The following DNAJC13 variants were observed in gnomAD, a reference collection of about 807,000 sequenced individuals.
DNAJC13 encodes DnaJ heat shock protein family (Hsp40) member C13.
A neutral mutation model predicts 290.5 loss-of-function variants in DNAJC13; 75 were observed. The ratio of observed to expected loss-of-function variants is 0.26; its 90% CI spans 0.21 to 0.31. The LOEUF (loss-of-function observed/expected upper bound fraction) is 0.31. Among genes scored for constraint, DNAJC13 ranks in the 10% least tolerant of loss-of-function variants. The probability of loss-of-function intolerance (pLI) is 1.00; values close to 1 mark genes in which losing one functional copy is unlikely to be tolerated. For missense variants in DNAJC13, 2,260 were observed against 2,674.5 expected, an observed-to-expected ratio of 0.85 and a Z score of 3.42; for synonymous variants, 862 against 892.0, an observed-to-expected ratio of 0.97 and a Z score of 0.60.
intron 55 of DNAJC13, among the ~76,000 whole-genome samples, chr3:132,534,979 A>G (rs940366258): frequency 6.6e-6 from 1 of 152,204 alleles, no homozygotes; most frequent in African/African-American, 2.4e-5. Context: ...GTTGAATTGG[A>G]ATTTCATTTA....
intron 20 of DNAJC13, among the ~76,000 whole-genome samples, chr3:132,467,532 C>G (rs535794851): frequency 8.5e-5 from 13 of 152,280 alleles, no homozygotes; most frequent in South Asian, 8.3e-4. Flanking sequence ...GTGGAGCGAT[C>G]TCGTCTCACT....
At chr3:132,488,217 C>T (rs1934945967) in intron 29 of DNAJC13, 81 bp from the exon 30 acceptor site, 1 of 1,303,118 alleles carries the variant, frequency 7.7e-7, no homozygotes, top group South Asian at 1.7e-5. Context: ...GGAGCTATAA[C>T]CTCAGCATAT....
At chr3:132,433,076 T>C (rs1347684334) in intron 1 of DNAJC13, among the ~76,000 whole-genome samples, 2 of 152,212 alleles carry the variant, frequency 1.3e-5, no homozygotes, top group Non-Finnish European at 2.9e-5. Flanking sequence ...GCAAACAGGT[T>C]AAGCAGTACA....
chr3:132,472,349 A>C (rs1340829368), intron 20 of DNAJC13, among the ~76,000 whole-genome samples: 1 of 152,208 alleles, frequency 6.6e-6, no homozygotes, highest in East Asian at 1.9e-4. Context: ...CCTATCTCTG[A>C]AACAGGGGCC....
In DNAJC13 at chr3:132,503,308, C is replaced by A. The variant is rs1052094098; in HGVS notation, c.4811C>A (p.Thr1604Asn). The change falls in exon 41 of 56, where the codon ACC (threonine) becomes AAC (asparagine). Residue 1604 changes from threonine to asparagine, a missense_variant. This residue lies in a region of DNAJC13 where 1,494 missense variants were observed against 1,693.7 expected (regional missense o/e 0.88). Coordinates refer to ENST00000260818, the MANE Select transcript of DNAJC13 (RefSeq NM_015268.4). ...AEEQATPENP[T>N]IRKSLAGMLT... is the part of the protein sequence containing the mutation. ...GAACAAGCAACTCCAGAAAATCCAA[C>A]CATAAGGAAAAGCTTAGCTGGCATG... The A allele has an allele frequency of 2.5e-6, 4 of 1,613,968 alleles. No individual in the cohort carries two copies. The African/African-American group carries it at 5.3e-5, about 22-fold the overall frequency.
At chr3:132,525,340 CAAAA>C (rs1016040483) in intron 51 of DNAJC13, among the ~76,000 whole-genome samples, 1 of 151,598 alleles carries the variant, frequency 6.6e-6, no homozygotes, top group Non-Finnish European at 1.5e-5. Context: ...AACTCCGTCT[CAAAA>C]AAAACCTGCA....
rs1446273735 is a variant in DNAJC13 at position 132,492,505 on chromosome 3, A to T, written c.3715A>T (p.Ile1239Phe). 1 of 1,613,746 alleles carries T rather than the reference A, an allele frequency of 6.2e-7. No homozygotes were observed. Among genetic ancestry groups the T allele is most frequent in the African/African-American group, 1.3e-5 (1 of 74,862 alleles). The change falls in exon 33 of 56, where the codon ATT (isoleucine) becomes TTT (phenylalanine). Residue 1239 changes from isoleucine (I) to phenylalanine (F), a missense_variant. Around this residue, in one of 3 missense-constraint regions of DNAJC13, gnomAD observed 1,494 missense variants for 1,693.7 expected, o/e 0.88. Coordinates refer to ENST00000260818, the MANE Select transcript of DNAJC13 (RefSeq NM_015268.4). ...NTRALYQYCPIPIINYPQLEN... is the reference protein window; with the variant it reads ...NTRALYQYCPFPIINYPQLEN... ...AAGAGCACTTTATCAGTATTGCCCC[A>T]TTCCTATAATCAACTATCCACAACT...
intron 32 of DNAJC13, 94 bp downstream of exon 32, chr3:132,491,145 C>T: frequency 9.2e-7 from 1 of 1,089,100 alleles, no homozygotes; most frequent in Admixed American, 2.9e-5. Context: ...AATGTTTTCA[C>T]TAGGTTTATA....
intron 1 of DNAJC13, among the ~76,000 whole-genome samples, chr3:132,418,192 AGACT>A (rs1171283354): frequency 6.6e-6 from 1 of 152,166 alleles, no homozygotes; most frequent in Non-Finnish European, 1.5e-5. Flanking sequence ...CAAGTCCTGC[AGACT>A]GACTTTCTTT....
chr3:132,445,107 T>C (rs1194632345), intron 2 of DNAJC13, among the ~76,000 whole-genome samples: 1 of 152,290 alleles, frequency 6.6e-6, no homozygotes, highest in Non-Finnish European at 1.5e-5. Context: ...GGGAATACTT[T>C]TATTGTATTA....
At chr3:132,462,560 A>G in intron 16 of DNAJC13, 37 bp downstream of exon 16, 3 of 1,478,750 alleles carry the variant, frequency 2.0e-6, no homozygotes, top group Non-Finnish European at 2.8e-6. Context: ...CCTTACTTGA[A>G]TGTTGATAGG....
rs185651716 is a variant in DNAJC13, at chr3:132,457,453, C to A, written c.1449+85C>A. 2.7e-3 allele frequency: 2,796 copies of A among 1,040,856 alleles called. 8 individuals carry two copies. Among genetic ancestry groups the A allele is most frequent in the Non-Finnish European group, 3.4e-3 (2,362 of 695,594 alleles). 64.5% of individuals were successfully genotyped at this position (1,040,856 alleles called of 1,614,324 possible). ...TCCACAGTCCCAGATTTTCATTGTACCAATAAGTTCTTGTTTCTGTTTCAT... is the reference window on the plus strand; with the variant it reads ...TCCACAGTCCCAGATTTTCATTGTAACAATAAGTTCTTGTTTCTGTTTCAT... On this transcript the variant is annotated intron_variant, in intron 13 of 55. Coordinates refer to ENST00000260818, the MANE Select transcript of DNAJC13 (RefSeq NM_015268.4).
intron 26 of DNAJC13, among the ~76,000 whole-genome samples, chr3:132,481,092 A>G (rs145076676): frequency 6.5e-4 from 99 of 152,282 alleles, no homozygotes; most frequent in African/African-American, 2.3e-3. Context: ...TACTATCCAC[A>G]TTTTATAGAT....
intron 43 of DNAJC13, among the ~76,000 whole-genome samples, chr3:132,508,481 T>C (rs1935664181): frequency 6.6e-6 from 1 of 152,232 alleles, no homozygotes; most frequent in Admixed American, 6.5e-5. Context: ...ATGCAGCTGC[T>C]GACTTTTAAG....
At chr3:132,429,551 A>G (rs1195215455) in intron 1 of DNAJC13, among the ~76,000 whole-genome samples, 1 of 152,338 alleles carries the variant, frequency 6.6e-6, no homozygotes, top group East Asian at 1.9e-4. Flanking sequence ...TGTGATGAGT[A>G]TTCAATATAA....
chr3:132,466,378 A>G lies in DNAJC13; in HGVS notation c.2048A>G (p.Asn683Ser). The G allele has an allele frequency of 6.3e-7, 1 of 1,597,840 alleles. No individual in the cohort carries two copies. The highest frequency in any genetic ancestry group is 8.5e-7 in the Non-Finnish European group (1 of 1,175,054). The change falls in exon 19 of 56, where the codon AAT becomes AGT. Residue 683 changes from asparagine to serine, a missense_variant. Coordinates refer to ENST00000260818, the MANE Select transcript of DNAJC13 (RefSeq NM_015268.4). ...KDADRMHVRDNVKIAMDQYGK... is the reference protein window; with the variant it reads ...KDADRMHVRDSVKIAMDQYGK... Reference sequence around the variant, plus strand: ...GCTGATCGGATGCATGTTAGAGACAATGTGAAAATAGCAATGGTAAATATG... The same window carrying G: ...GCTGATCGGATGCATGTTAGAGACAGTGTGAAAATAGCAATGGTAAATATG...
rs199537883 is a variant in DNAJC13 at position 132,494,117 on chromosome 3, T to C, written c.3826-27T>C. The C allele has an allele frequency of 8.1e-4, 1,154 of 1,431,938 alleles. 2 individuals are homozygous for C. The highest frequency in any genetic ancestry group is 1.1e-3 in the Non-Finnish European group (1,098 of 1,037,462). 88.7% of individuals were successfully genotyped at this position (1,431,938 alleles called of 1,614,324 possible). ...ATACTCTGAAATAGTTTTACTTTGA[T>C]ATAAATTTTAATCTTTTGTCTTTAA... On this transcript the variant is annotated intron_variant, in intron 33 of 55. Transcript: ENST00000260818.
chr3:132,520,848 A>G (rs1439196326), intron 48 of DNAJC13, among the ~76,000 whole-genome samples: 1 of 152,216 alleles, frequency 6.6e-6, no homozygotes, highest in African/African-American at 2.4e-5. Context: ...ACAGCTTATT[A>G]CAAGTATATA....
In DNAJC13 at chr3:132,453,433, A is replaced by G; in HGVS notation, c.673A>G (p.Lys225Glu). 6.2e-7 allele frequency: 1 copy of G among 1,613,990 alleles called. No individual in the cohort carries two copies. The highest frequency in any genetic ancestry group is 1.1e-5 in the South Asian group (1 of 91,086). ...FEQYLNLRFG[K>E]YSTDESITSL... ...GCAATATTTGAATCTTCGCTTTGGAAAATACAGCACTGATGAATCCATCAC... is the reference window on the plus strand; with the variant it reads ...GCAATATTTGAATCTTCGCTTTGGAGAATACAGCACTGATGAATCCATCAC... The change falls in exon 7 of 56, where the codon AAA becomes GAA. Residue 225 changes from lysine to glutamate, a missense_variant. Transcript: ENST00000260818.
Sources: gnomAD v4.1 joint callset for allele counts (sites outside exome capture counted in the v4.1 genomes callset) on GRCh38, gnomAD v4.1.1 for gene constraint, gnomAD v4.1.1 regional missense constraint, MANE v1.5 for transcripts, NCBI Gene and HGNC (gene_info 2026-07-23, HGNC 2026-07-21) for gene names.